The following VAT1L variants were observed in gnomAD, a reference collection of about 807,000 sequenced individuals.
VAT1L encodes vesicle amine transport 1 like.
Under a neutral mutation model 44.1 loss-of-function variants are expected in VAT1L, and 34 were observed. That is an observed-to-expected ratio of 0.77 (90% confidence interval 0.59 to 1.03). VAT1L has a LOEUF of 1.03. Ranked by LOEUF, VAT1L falls within the 50% of genes least tolerant of loss-of-function variation. The pLI is 0.00. For synonymous variants in VAT1L, 253 were observed against 202.2 expected, an observed-to-expected ratio of 1.25 and a Z score of -2.13; for missense variants, 615 against 538.8, an observed-to-expected ratio of 1.14 and a Z score of -1.40.
At chr16:77,936,878 GT>G (rs72013763) in intron 7 of VAT1L, among the ~76,000 whole-genome samples, 2 of 150,320 alleles carry the variant, frequency 1.3e-5, no homozygotes, top group Non-Finnish European at 3.0e-5. Context: ...TTTCTTGTTT[GT>G]TTGTTTGTTT....
Position 77,893,370 on chromosome 16 carries a change from G to C in VAT1L, c.1077+8568G>C, listed in dbSNP as rs527693184. ...GAAGCAAGAGTCAGCAATGACCAAG[G>C]GTCTTTTAAGCTGGGAGGTCAGGAA... On this transcript the variant is annotated intron_variant, in intron 7 of 8. Coordinates refer to ENST00000302536, the MANE Select transcript of VAT1L (RefSeq NM_020927.3). 1.6e-4 allele frequency among the ~76,000 whole-genome samples: 25 copies of C among 152,186 alleles called. 1 individual carries two copies. The South Asian group carries it at 5.2e-3, about 32-fold the overall frequency.
rs56055464 is a variant in VAT1L, at chr16:77,945,278, CT to C, written c.1078-26556del. 1.6e-4 allele frequency among the ~76,000 whole-genome samples: 13 copies of C among 83,060 alleles called. 1 individual carries two copies. Among genetic ancestry groups the C allele is most frequent in the African/African-American group, 4.7e-4 (11 of 23,256 alleles). 54.5% of individuals were successfully genotyped at this position (83,060 alleles called of 152,430 possible). ...GAATGGCCAATTCCAGATTGCAGAA[CT>C]TTTTTTTTTTTTTTTGAGAGAGAGA... is the stretch of plus-strand genomic sequence containing the variant. On this transcript the variant is annotated intron_variant, in intron 7 of 8. Coordinates refer to ENST00000302536, the MANE Select transcript of VAT1L (RefSeq NM_020927.3).
At position 77,816,499 on chromosome 16, in the gene VAT1L, C is replaced by T. The variant is rs116325706; in HGVS notation, c.234-422C>T. Among the ~76,000 whole-genome samples the T allele has an allele frequency of 3.2e-3, 482 of 152,292 alleles. 3 individuals carry two copies. The highest frequency in any genetic ancestry group is 0.011 in the African/African-American group (459 of 41,566). ...AGGCACTGGCTAGTGGCCATTAGGTCTGGCTGCTTTCCATGTGTCTGTTTA... is the reference window on the plus strand; with the variant it reads ...AGGCACTGGCTAGTGGCCATTAGGTTTGGCTGCTTTCCATGTGTCTGTTTA... On this transcript the variant is annotated intron_variant, in intron 1 of 8. Transcript: ENST00000302536.
rs149892883 is a variant in VAT1L, at chr16:77,804,919, T to C, written c.234-12002T>C. Among the ~76,000 whole-genome samples the C allele has an allele frequency of 2.2e-4, 33 of 152,288 alleles. 1 individual carries two copies. The East Asian group carries it at 4.8e-3, about 22-fold the overall frequency. ...TGACAGCACTACTAATGTAAAGTGG[T>C]AGATTATGAATAAAATCAGATGGGT... On this transcript the variant is annotated intron_variant, in intron 1 of 8. Coordinates refer to ENST00000302536, the MANE Select transcript of VAT1L (RefSeq NM_020927.3).
At chr16:77,877,533 AAAAAAAAAAAC>A (rs1279050806) in intron 5 of VAT1L, among the ~76,000 whole-genome samples, 7 of 118,654 alleles carry the variant, frequency 5.9e-5, no homozygotes, top group South Asian at 5.7e-4. Context: ...AAAAAAAAAA[AAAAAAAAAAAC>A]CACATTAGTC....
At chr16:77,920,838 G>A (rs1027724885) in intron 7 of VAT1L, among the ~76,000 whole-genome samples, 1 of 152,110 alleles carries the variant, frequency 6.6e-6, no homozygotes, top group Non-Finnish European at 1.5e-5. Flanking sequence ...CAAGGTTTGT[G>A]TAAGTTCACT....
chr16:77,832,390 G>A (rs560701266), intron 3 of VAT1L, among the ~76,000 whole-genome samples: 1 of 152,184 alleles, frequency 6.6e-6, no homozygotes, highest in African/African-American at 2.4e-5. Flanking sequence ...TGTGGTCTTA[G>A]CTTTCCCTAC....
intron 7 of VAT1L, among the ~76,000 whole-genome samples, chr16:77,916,224 T>C (rs928385929): frequency 2.6e-5 from 4 of 152,244 alleles, no homozygotes; most frequent in Middle Eastern, 3.4e-3. Context: ...TTTCGTGCAC[T>C]CAACAGTGGG....
chr16:77,926,324 T>C (rs1489693441), intron 7 of VAT1L, among the ~76,000 whole-genome samples: 2 of 151,090 alleles, frequency 1.3e-5, no homozygotes. Flanking sequence ...GGTGCACACC[T>C]GTAATCCCAG....
At chr16:77,866,671 G>A (rs1469624602) in intron 4 of VAT1L, among the ~76,000 whole-genome samples, 4 of 151,698 alleles carry the variant, frequency 2.6e-5, no homozygotes, top group African/African-American at 7.3e-5. Flanking sequence ...CCAGTCAATC[G>A]GGAAGCCTCC....
chr16:77,962,948 A>C (rs1009239316), intron 7 of VAT1L, among the ~76,000 whole-genome samples: 1 of 152,160 alleles, frequency 6.6e-6, no homozygotes, highest in African/African-American at 2.4e-5. Context: ...CCTGCCTCAA[A>C]AACAAAACAA....
intron 7 of VAT1L, among the ~76,000 whole-genome samples, chr16:77,941,208 T>C (rs929967176): frequency 1.3e-5 from 2 of 152,194 alleles, no homozygotes; most frequent in Non-Finnish European, 2.9e-5. Context: ...TCTCAGAAGA[T>C]AAGGCCCAGC....
chr16:77,911,018 G>A (rs2017494538), intron 7 of VAT1L, among the ~76,000 whole-genome samples: 1 of 152,182 alleles, frequency 6.6e-6, no homozygotes. Flanking sequence ...CTGAACCCAT[G>A]CAACCTTGCT....
rs555331092 is a variant in VAT1L at position 77,888,852 on chromosome 16, G to C, written c.1077+4050G>C. Among the ~76,000 whole-genome samples the C allele has an allele frequency of 7.9e-5, 12 of 152,316 alleles. No homozygotes were observed. The East Asian group carries it at 1.9e-3, about 24-fold the overall frequency. On this transcript the variant is annotated intron_variant, in intron 7 of 8. Coordinates refer to ENST00000302536, the MANE Select transcript of VAT1L (RefSeq NM_020927.3). ...CACCAGCCAGATAAAGGAATTCTAC[G>C]TTCCTGTAGCAAGATAGTCCTCCAT...
chr16:77,900,415 C>T (rs2017368152), intron 7 of VAT1L, among the ~76,000 whole-genome samples: 1 of 151,756 alleles, frequency 6.6e-6, no homozygotes, highest in Non-Finnish European at 1.5e-5. Context: ...AAAAAAGGGC[C>T]GGGCAAGGTG....
chr16:77,881,019 T>A (rs373987658), intron 6 of VAT1L, among the ~76,000 whole-genome samples: 1 of 152,348 alleles, frequency 6.6e-6, no homozygotes, highest in African/African-American at 2.4e-5. Flanking sequence ...CTAGGTTGAT[T>A]CCATGTGTTT....
chr16:77,899,577 CCTTT>C (rs2017359531), intron 7 of VAT1L, among the ~76,000 whole-genome samples: 1 of 152,224 alleles, frequency 6.6e-6, no homozygotes, highest in Non-Finnish European at 1.5e-5. Flanking sequence ...CTTGCTTCTT[CCTTT>C]CTACTTCCCT....
chr16:77,885,031 A>G (rs1045712067), intron 7 of VAT1L, among the ~76,000 whole-genome samples: 3 of 152,216 alleles, frequency 2.0e-5, no homozygotes, highest in African/African-American at 7.2e-5. Context: ...TTGTGCTCTG[A>G]ACCCTTCCCA....
rs376847259 is a variant in VAT1L, at chr16:77,977,577, C to T, written c.1162-20C>T. 6 of 1,612,396 alleles carry T rather than the reference C, an allele frequency of 3.7e-6. No individual in the cohort carries two copies. The highest frequency in any genetic ancestry group is 5.1e-6 in the Non-Finnish European group (6 of 1,179,078). ...GGCTGGGTTGCACAACCCTCAATAA[C>T]ATCCTCTTTTGAATTACAGATGGCC... On this transcript the variant is annotated intron_variant, in intron 8 of 8. Transcript: ENST00000302536.
Sources: allele counts gnomAD v4.1 joint callset (sites outside exome capture counted in the v4.1 genomes callset), GRCh38; gene constraint gnomAD v4.1.1; transcripts MANE v1.5; gene names NCBI Gene and HGNC (gene_info 2026-07-23, HGNC 2026-07-21).